The following PCDH11Y variants were observed in gnomAD, a reference collection of about 807,000 sequenced individuals.
PCDH11Y encodes the protein protocadherin-11 Y-linked.
For missense variants in PCDH11Y, 12 were observed against 224.8 expected (o/e 0.05, Z 6.05); for synonymous variants, 9 against 83.6 (o/e 0.11, Z 4.87).
intron 2 of PCDH11Y, among the ~76,000 whole-genome samples, chrY:5,156,011 G>T: frequency 4.9e-5 from 1 of 20,610 alleles, no homozygotes. Context: ...CCGAGAGAGA[G>T]AAAATGTGTT....
chrY:5,719,340 T>C (rs2053592740), intron 4 of PCDH11Y, among the ~76,000 whole-genome samples: 1 of 33,235 alleles, frequency 3.0e-5, no homozygotes, highest in East Asian at 8.2e-4. Context: ...GAGGTCCTCA[T>C]GGCAGCACCT....
At chrY:5,062,479 C>G in intron 1 of PCDH11Y, among the ~76,000 whole-genome samples, 1 of 31,713 alleles carries the variant, frequency 3.2e-5, no homozygotes, top group Non-Finnish European at 7.7e-5. Context: ...CAAATGCTAA[C>G]GACTATGAGG....
At chrY:5,438,702 T>C (rs2124681443) in intron 2 of PCDH11Y, among the ~76,000 whole-genome samples, 8 of 28,584 alleles carry the variant, frequency 2.8e-4, no homozygotes, top group African/African-American at 1.1e-3. Flanking sequence ...AGAGTTAAGC[T>C]CCTAATATAG....
intron 2 of PCDH11Y, among the ~76,000 whole-genome samples, chrY:5,380,639 T>G (rs2053204153): frequency 3.8e-5 from 1 of 26,605 alleles, no homozygotes; most frequent in African/African-American, 1.5e-4. Flanking sequence ...CAGGCTGGAG[T>G]GCAGTGGCGC....
At chrY:5,199,900 G>A in intron 2 of PCDH11Y, among the ~76,000 whole-genome samples, 1 of 33,538 alleles carries the variant, frequency 3.0e-5, no homozygotes. Flanking sequence ...ACATGGATCA[G>A]GAGTTCAGTT....
chrY:5,125,915 A>C, intron 2 of PCDH11Y, among the ~76,000 whole-genome samples: 1 of 33,866 alleles, frequency 3.0e-5, no homozygotes, highest in East Asian at 7.8e-4. Context: ...TTGAATTAAG[A>C]ACAAAATAAG....
At chrY:5,466,838 C>T in intron 2 of PCDH11Y, among the ~76,000 whole-genome samples, 1 of 32,261 alleles carries the variant, frequency 3.1e-5, no homozygotes, top group Non-Finnish European at 7.7e-5. Flanking sequence ...TAAATAGTCC[C>T]CATTTATACT....
intron 2 of PCDH11Y, among the ~76,000 whole-genome samples, chrY:5,138,978 T>A: frequency 9.2e-5 from 3 of 32,498 alleles, no homozygotes; most frequent in African/African-American, 2.4e-4. Flanking sequence ...TGAACATAGA[T>A]GCAAAAATCC....
At chrY:5,578,776 ATACT>A (rs2053448477) in intron 3 of PCDH11Y, among the ~76,000 whole-genome samples, 1 of 33,664 alleles carries the variant, frequency 3.0e-5, no homozygotes, top group Non-Finnish European at 7.4e-5. Flanking sequence ...ATGCATAGTG[ATACT>A]TACATGCAAT....
chrY:5,729,282 C>T (rs2053601268), intron 4 of PCDH11Y, among the ~76,000 whole-genome samples: 1 of 33,261 alleles, frequency 3.0e-5, no homozygotes, highest in East Asian at 8.0e-4. Flanking sequence ...TTGTTAGCGT[C>T]TGTTGTTTTT....
chrY:5,088,877 A>G, intron 1 of PCDH11Y, among the ~76,000 whole-genome samples: 1 of 31,811 alleles, frequency 3.1e-5, no homozygotes, highest in Non-Finnish European at 7.6e-5. Context: ...GTCAGAAATC[A>G]TCTCAGAAGA....
intron 3 of PCDH11Y, among the ~76,000 whole-genome samples, chrY:5,509,229 C>A: frequency 3.1e-5 from 1 of 32,491 alleles, no homozygotes; most frequent in East Asian, 8.0e-4. Flanking sequence ...AAATGGAGAA[C>A]TTTTTTATAT....
At chrY:5,055,256 T>A, upstream of PCDH11Y, among the ~76,000 whole-genome samples, 1 of 33,614 alleles carries the variant, frequency 3.0e-5, no homozygotes, top group African/African-American at 1.1e-4. Context: ...TATAACACAT[T>A]GCTTGGCATA....
intron 1 of PCDH11Y, among the ~76,000 whole-genome samples, chrY:5,017,556 T>C: frequency 3.0e-5 from 1 of 33,026 alleles, no homozygotes; most frequent in Non-Finnish European, 7.5e-5. Context: ...CATTTTCTTA[T>C]CTCTTCTAGA....
intron 4 of PCDH11Y, among the ~76,000 whole-genome samples, chrY:5,706,668 C>T: frequency 6.1e-5 from 2 of 32,728 alleles, no homozygotes; most frequent in African/African-American, 1.2e-4. Flanking sequence ...ATGAATTATG[C>T]TCTGACAGTG....
intron 3 of PCDH11Y, among the ~76,000 whole-genome samples, chrY:5,533,232 T>G: frequency 6.0e-5 from 2 of 33,112 alleles, no homozygotes; most frequent in Non-Finnish European, 1.5e-4. Flanking sequence ...TATTTCTTAG[T>G]GCTTGCGCTA....
chrY:5,220,144 A>G (rs2052951174), intron 2 of PCDH11Y, among the ~76,000 whole-genome samples: 1 of 32,546 alleles, frequency 3.1e-5, no homozygotes, highest in South Asian at 6.8e-4. Flanking sequence ...TTTAATTACT[A>G]TAGCTTTGTA....
intron 3 of PCDH11Y, among the ~76,000 whole-genome samples, chrY:5,551,677 T>C: frequency 3.1e-5 from 1 of 32,202 alleles, no homozygotes; most frequent in Non-Finnish European, 7.6e-5. Flanking sequence ...ACTTGAAGCA[T>C]GCCATAAAAC....
At chrY:5,335,735 C>T in intron 2 of PCDH11Y, among the ~76,000 whole-genome samples, 1 of 17,112 alleles carries the variant, frequency 5.8e-5, no homozygotes, top group Non-Finnish European at 1.3e-4. Context: ...AATCACCTAA[C>T]GCTAAAAAAA....
Sources: allele counts gnomAD v4.1 joint callset (sites outside exome capture counted in the v4.1 genomes callset), GRCh38; gene constraint gnomAD v4.1.1; transcripts MANE v1.5; gene names NCBI Gene and HGNC (gene_info 2026-07-23, HGNC 2026-07-21).